PRKN: variants seen among roughly 807,000 people sequenced by gnomAD.
PRKN encodes the protein parkin RBR E3 ubiquitin protein ligase, also known as E3 ubiquitin-protein ligase parkin.
Under a neutral mutation model 59.5 loss-of-function variants are expected in PRKN, and 56 were observed. The observed-to-expected ratio is 0.94, with a 90% CI of 0.76 to 1.18. The LOEUF (loss-of-function observed/expected upper bound fraction) is 1.18, where lower values mean the gene tolerates loss of function less well. PRKN is among the 50% of genes most tolerant of loss of function. PRKN has a pLI of 0.00. For missense variants in PRKN, 657 were observed against 596.4 expected, an observed-to-expected ratio of 1.10 and a Z score of -1.06; for synonymous variants, 250 against 222.1, an observed-to-expected ratio of 1.13 and a Z score of -1.12.
chr6:161,419,201 C>T lies in PRKN; in HGVS notation c.1084-32324G>A, dbSNP rs541332836. Among the ~76,000 whole-genome samples the T allele has an allele frequency of 2.0e-5, 3 of 152,220 alleles. No homozygotes were observed. The highest frequency in any genetic ancestry group is 2.1e-4 in the South Asian group (1 of 4,820). ...TACACAGAGTTTGATGCTTCTTGTG[C>T]GTGATCTCACCTGTTCCCCCACTTA... On this transcript the variant is annotated intron_variant, in intron 9 of 11. Coordinates refer to ENST00000366898, the MANE Select transcript of PRKN (RefSeq NM_004562.3). The surrounding 1 kb of genome is among the most constrained non-coding windows in gnomAD (Gnocchi z 4.1).
chr6:162,720,498 C>T (rs576282207), intron 1 of PRKN, among the ~76,000 whole-genome samples: 3 of 145,244 alleles, frequency 2.1e-5, no homozygotes, highest in Admixed American at 1.4e-4. Context: ...GGCCGGACTG[C>T]GGACTGCAGT....
At chr6:161,965,119 G>A (rs1170341176) in intron 6 of PRKN, among the ~76,000 whole-genome samples, 2 of 152,026 alleles carry the variant, frequency 1.3e-5, no homozygotes, top group Admixed American at 6.5e-5. Context: ...AGGAACACCT[G>A]GAGAAAGTAC....
At chr6:161,725,986 T>C (rs1787425258) in intron 7 of PRKN, among the ~76,000 whole-genome samples, 1 of 152,296 alleles carries the variant, frequency 6.6e-6, no homozygotes, top group South Asian at 2.1e-4. Context: ...TTTCAGCACA[T>C]TCAATGACCA....
At chr6:161,761,464 C>A (rs141941670) in intron 7 of PRKN, among the ~76,000 whole-genome samples, 1 of 152,264 alleles carries the variant, frequency 6.6e-6, no homozygotes, top group African/African-American at 2.4e-5. Context: ...AAATGACAAT[C>A]ATCAGATTTA....
chr6:162,241,380 CAT>C (rs1323883671), intron 3 of PRKN, among the ~76,000 whole-genome samples: 1 of 151,884 alleles, frequency 6.6e-6, no homozygotes, highest in Admixed American at 6.6e-5. Flanking sequence ...TTAAAAAAGA[CAT>C]AGAATTGGCA....
At chr6:161,899,007 G>A (rs1329790265) in intron 6 of PRKN, among the ~76,000 whole-genome samples, 2 of 152,326 alleles carry the variant, frequency 1.3e-5, no homozygotes, top group African/African-American at 2.4e-5. Context: ...GAATCCAAGG[G>A]CTCCTCTGCC....
chr6:162,517,586 A>G (rs926278817), intron 1 of PRKN, among the ~76,000 whole-genome samples: 3 of 152,020 alleles, frequency 2.0e-5, no homozygotes, highest in African/African-American at 7.2e-5. Context: ...TAAATTAAAA[A>G]TTATTCCATC....
chr6:161,677,122 T>G (rs2128170887), intron 7 of PRKN, among the ~76,000 whole-genome samples: 1 of 152,316 alleles, frequency 6.6e-6, no homozygotes, highest in African/African-American at 2.4e-5. Context: ...CTAAGGCATT[T>G]TCACCTGGAT....
At chr6:162,273,136 A>G (rs965076484) in intron 2 of PRKN, among the ~76,000 whole-genome samples, 3 of 152,158 alleles carry the variant, frequency 2.0e-5, no homozygotes, top group African/African-American at 7.2e-5. Context: ...TTCTATGTCA[A>G]AAGCAAAGAA....
chr6:161,963,484 C>T (rs531557265), intron 6 of PRKN, among the ~76,000 whole-genome samples: 1 of 152,318 alleles, frequency 6.6e-6, no homozygotes, highest in East Asian at 1.9e-4. Context: ...GTTCACATTT[C>T]AAAGTACCAG....
chr6:161,574,272 C>T (rs180734724), intron 7 of PRKN, among the ~76,000 whole-genome samples: 3 of 152,042 alleles, frequency 2.0e-5, no homozygotes, highest in Admixed American at 6.5e-5. Context: ...AATGCATTCG[C>T]GTAGGGAGAC....
intron 7 of PRKN, among the ~76,000 whole-genome samples, chr6:161,608,230 T>C (rs1782355962): frequency 6.6e-6 from 1 of 152,132 alleles, no homozygotes; most frequent in Admixed American, 6.5e-5. Context: ...GATTTATAAT[T>C]CTATTAGAAA....
intron 4 of PRKN, among the ~76,000 whole-genome samples, chr6:162,078,158 T>A (rs74717805): frequency 2.6e-5 from 2 of 77,758 alleles, no homozygotes; most frequent in Admixed American, 1.4e-4. Flanking sequence ...ATTAAAAAAA[T>A]GTATGGTATC....
At chr6:161,872,214 C>T (rs778192721) in intron 6 of PRKN, among the ~76,000 whole-genome samples, 20 of 149,558 alleles carry the variant, frequency 1.3e-4, no homozygotes, top group Non-Finnish European at 1.5e-4. Context: ...AGTGGGAGGA[C>T]GCAGCAGCTG....
At chr6:162,165,142 T>C (rs1408082594) in intron 4 of PRKN, among the ~76,000 whole-genome samples, 7 of 148,970 alleles carry the variant, frequency 4.7e-5, no homozygotes, top group Non-Finnish European at 1.0e-4. Context: ...CATATCCATA[T>C]AGATATCCAT....
chr6:162,235,954 A>AAGGAAGAAAGG (rs1562602190), intron 3 of PRKN, among the ~76,000 whole-genome samples: 1 of 77,094 alleles, frequency 1.3e-5, no homozygotes, highest in Non-Finnish European at 2.4e-5. Context: ...AGGAAGGAAG[A>AAGGAAGAAAGG]AAGGAAGAAA....
intron 6 of PRKN, among the ~76,000 whole-genome samples, chr6:161,863,269 CT>C (rs1401196295): frequency 6.6e-6 from 1 of 151,406 alleles, no homozygotes; most frequent in Non-Finnish European, 1.5e-5. Flanking sequence ...CTCTCCTTTT[CT>C]GTTTGTCATT....
intron 7 of PRKN, among the ~76,000 whole-genome samples, chr6:161,577,920 G>A (rs751629507): frequency 2.6e-5 from 4 of 152,064 alleles, no homozygotes; most frequent in African/African-American, 4.8e-5. Flanking sequence ...ATCCTTATTG[G>A]CCGGAGGTGA....
intron 1 of PRKN, among the ~76,000 whole-genome samples, chr6:162,627,498 G>A (rs1180052171): frequency 2.0e-5 from 3 of 152,102 alleles, no homozygotes; most frequent in Non-Finnish European, 4.4e-5. Context: ...CAGGAGACTG[G>A]TAGGATCAAT....
Sources: gnomAD v4.1 joint callset for allele counts (sites outside exome capture counted in the v4.1 genomes callset) on GRCh38, gnomAD v4.1.1 for gene constraint, Gnocchi (gnomAD v3.1) non-coding constraint, MANE v1.5 for transcripts, NCBI Gene and HGNC (gene_info 2026-07-23, HGNC 2026-07-21) for gene names.